Variants in IGHMBP2 observed in about 807,000 individuals in gnomAD.
The protein encoded by IGHMBP2 is immunoglobulin mu DNA binding protein 2, also known as DNA-binding protein SMUBP-2.
IGHMBP2 carries 81 observed loss-of-function variants against 96.0 expected under a neutral mutation model. The ratio of observed to expected loss-of-function variants is 0.84; its 90% CI spans 0.71 to 1.01. The LOEUF is 1.01. IGHMBP2 is among the 50% of genes least tolerant of loss of function. The probability of loss-of-function intolerance (pLI) is 0.00; values close to 1 mark genes in which losing one functional copy is unlikely to be tolerated. For synonymous variants in IGHMBP2, 557 were observed against 548.9 expected (o/e 1.01, Z -0.21); for missense variants, 1,227 against 1,306.3 (o/e 0.94, Z 0.94).
At chr11:68,921,931 A>C (rs1284944757) in intron 7 of IGHMBP2, among the ~76,000 whole-genome samples, 1 of 152,230 alleles carries the variant, frequency 6.6e-6, no homozygotes, top group Non-Finnish European at 1.5e-5. Flanking sequence ...CAATATTTTA[A>C]AGATGTTGTC....
intron 4 of IGHMBP2, among the ~76,000 whole-genome samples, chr11:68,909,075 AT>A (rs1184018470): frequency 2.7e-5 from 4 of 150,458 alleles, no homozygotes; most frequent in African/African-American, 9.8e-5. Context: ...TCCTGACCTC[AT>A]GATCCACCCG....
At chr11:68,913,533 T>G (rs892884215) in intron 5 of IGHMBP2, among the ~76,000 whole-genome samples, 3 of 151,868 alleles carry the variant, frequency 2.0e-5, no homozygotes, top group African/African-American at 7.3e-5. Context: ...TTGTCCAGGG[T>G]GGTCTTAAAC....
At chr11:68,937,464 A>G (rs1161513811) in intron 13 of IGHMBP2, among the ~76,000 whole-genome samples, 1 of 152,246 alleles carries the variant, frequency 6.6e-6, no homozygotes, top group Non-Finnish European at 1.5e-5. Context: ...GAGGTCTTGC[A>G]CAGCGAAAGG....
At chr11:68,917,940 TC>T in intron 7 of IGHMBP2, 57 bp downstream of exon 7, 2 of 1,563,538 alleles carry the variant, frequency 1.3e-6, no homozygotes, top group Non-Finnish European at 1.8e-6. Context: ...TGGGGTGTGT[TC>T]CCTCTTCTGT....
intron 5 of IGHMBP2, among the ~76,000 whole-genome samples, chr11:68,914,055 A>G (rs1283829338): frequency 6.6e-6 from 1 of 152,168 alleles, no homozygotes; most frequent in Non-Finnish European, 1.5e-5. Context: ...AAAAAACAGG[A>G]ACTAGGGAGG....
intron 6 of IGHMBP2, among the ~76,000 whole-genome samples, chr11:68,916,783 G>A (rs890737019): frequency 6.6e-6 from 1 of 152,100 alleles, no homozygotes; most frequent in African/African-American, 2.4e-5. Flanking sequence ...TGCATGTCAT[G>A]CAGGTTCGAG....
At chr11:68,913,704 A>G (rs1048506370) in intron 5 of IGHMBP2, among the ~76,000 whole-genome samples, 6 of 152,072 alleles carry the variant, frequency 3.9e-5, no homozygotes, top group African/African-American at 1.4e-4. Flanking sequence ...GGATCACTTG[A>G]ACCCAGGAGT....
In IGHMBP2 at chr11:68,936,870, C is replaced by G. The variant is rs752318145; in HGVS notation, c.2390C>G (p.Ala797Gly). 1.2e-6 allele frequency: 2 copies of G among 1,612,000 alleles called. No homozygotes were observed. The highest frequency in any genetic ancestry group is 1.7e-6 in the Non-Finnish European group (2 of 1,179,544). ...PRPRAALGPP[A>G]GTGGPAPLQP... ...CCCCGAGCAGCCCTGGGACCCCCAG[C>G]AGGGACCGGTGGCCCAGCCCCTCTC... is the stretch of plus-strand genomic sequence containing the variant. Residue 797 changes from alanine to glycine, a missense_variant, in exon 13 of 15, where the codon GCA becomes GGA. Coordinates refer to ENST00000255078, the MANE Select transcript of IGHMBP2 (RefSeq NM_002180.3).
rs557501594 is a variant in IGHMBP2, at chr11:68,937,241, C to G, written c.2611+150C>G. On this transcript the variant is annotated intron_variant, in intron 13 of 14. Coordinates refer to ENST00000255078, the MANE Select transcript of IGHMBP2 (RefSeq NM_002180.3). ...TTTAGCTTTATTTTCAGTCATGCCA[C>G]TCCCAGCTCCGTCTGGGCTCCCCTA... is the stretch of plus-strand genomic sequence containing the variant. 3.9e-6 allele frequency: 4 copies of G among 1,013,548 alleles called. No individual in the cohort carries two copies. In the African/African-American group the frequency reaches 4.7e-5, roughly 12 times the overall value. The allele number at this position is 1,013,548 out of a possible 1,614,324, so 62.8% of individuals were successfully genotyped here. A position where few individuals can be genotyped will look rare whatever the true frequency, so the allele number is the denominator to read the frequency against.
chr11:68,932,672 A>G (rs142074840), intron 8 of IGHMBP2: 1 of 158,050 alleles, frequency 6.3e-6, no homozygotes, highest in African/African-American at 2.4e-5. Context: ...CAGTTGGAGC[A>G]TGTTGGAGTG....
At chr11:68,934,666 G>T in intron 11 of IGHMBP2, 108 bp downstream of exon 11, 1 of 862,568 alleles carries the variant, frequency 1.2e-6, no homozygotes, top group South Asian at 1.4e-5. Flanking sequence ...AAAGTTCAGG[G>T]GTAGGGCTGA....
At chr11:68,929,619 C>T (rs1403917138) in intron 8 of IGHMBP2, 29 of 504,354 alleles carry the variant, frequency 5.7e-5, no homozygotes, top group Middle Eastern at 9.7e-4. Flanking sequence ...TCTGGTGTTC[C>T]GTCCCTGCTT....
intron 7 of IGHMBP2, among the ~76,000 whole-genome samples, chr11:68,918,475 C>G (rs1178583767): frequency 6.6e-6 from 1 of 151,972 alleles, no homozygotes; most frequent in East Asian, 1.9e-4. Context: ...AACCCCATCT[C>G]TACTAAAAAT....
intron 13 of IGHMBP2, 92 bp downstream of exon 13, chr11:68,937,183 G>A: frequency 1.3e-6 from 2 of 1,481,708 alleles, no homozygotes; most frequent in Admixed American, 3.4e-5. Flanking sequence ...CAGAAGGAAG[G>A]GCTTCCTCCT....
chr11:68,928,480 CAGAA>C (rs1052813201), intron 7 of IGHMBP2, among the ~76,000 whole-genome samples: 23 of 152,326 alleles, frequency 1.5e-4, no homozygotes, highest in African/African-American at 4.6e-4. Flanking sequence ...AGATGGAAGG[CAGAA>C]AGGGTGGGAA....
chr11:68,930,568 T>A (rs1234620671), intron 8 of IGHMBP2: 4 of 1,167,250 alleles, frequency 3.4e-6, no homozygotes, highest in Non-Finnish European at 4.4e-6. Context: ...GGGAGACACA[T>A]GGGGATCTAG....
intron 2 of IGHMBP2, among the ~76,000 whole-genome samples, chr11:68,907,294 A>G (rs1229663626): frequency 6.6e-6 from 1 of 151,884 alleles, no homozygotes; most frequent in Non-Finnish European, 1.5e-5. Flanking sequence ...ACTACATGTG[A>G]CTCTCTTTAT....
intron 12 of IGHMBP2, among the ~76,000 whole-genome samples, 160 bp from the exon 13 acceptor site, chr11:68,936,077 G>T (rs966878872): frequency 2.0e-5 from 3 of 152,226 alleles, no homozygotes; most frequent in Admixed American, 6.5e-5. Flanking sequence ...GCCAGGGCAG[G>T]TGTGGCATCA....
rs1168656232 is a variant in IGHMBP2, at chr11:68,934,504, G to A, written c.1578G>A (p.Val526=). The A allele has an allele frequency of 2.5e-6, 4 of 1,612,884 alleles. No homozygotes were observed. The highest frequency in any genetic ancestry group is 3.4e-6 in the Non-Finnish European group (4 of 1,179,418). The change falls in exon 11 of 15, where the codon GTG becomes GTA. Residue 526 remains valine (V), a synonymous_variant. Transcript: ENST00000255078. ...TCAGTTTGCACATCCAGGCTCTGGT[G>A]GACGCTGGTGTTCCAGCCCGTGACA... ...RLVSLHIQAL[V]DAGVPARDIA... is the part of the protein sequence containing the mutation.
Sources: allele counts gnomAD v4.1 joint callset (sites outside exome capture counted in the v4.1 genomes callset), GRCh38; gene constraint gnomAD v4.1.1; transcripts MANE v1.5; gene names NCBI Gene and HGNC (gene_info 2026-07-23, HGNC 2026-07-21).